SLC39A14: variants seen among roughly 807,000 people sequenced by gnomAD.
SLC39A14 encodes the protein solute carrier family 39 member 14.
SLC39A14 carries 19 observed loss-of-function variants against 45.5 expected under a neutral mutation model. That is an observed-to-expected ratio of 0.42 (90% CI 0.29 to 0.61). The LOEUF is 0.61. Ranked by LOEUF, SLC39A14 falls within the 20% of genes least tolerant of loss-of-function variation. The pLI, the probability that SLC39A14 is intolerant of heterozygous loss-of-function variation, is 0.22. For synonymous variants in SLC39A14, 264 were observed against 251.3 expected, an observed-to-expected ratio of 1.05 and a Z score of -0.48; for missense variants, 447 against 616.5, an observed-to-expected ratio of 0.73 and a Z score of 2.91.
chr8:22,399,468 G>C (rs1432266615), intron 1 of SLC39A14, among the ~76,000 whole-genome samples: 1 of 152,252 alleles, frequency 6.6e-6, no homozygotes, highest in East Asian at 1.9e-4. Flanking sequence ...CCTTGCGGGT[G>C]AGTGCATGTC....
chr8:22,419,893 C>T lies in SLC39A14; in HGVS notation c.*195C>T. On this transcript the variant is annotated 3_prime_UTR_variant, in exon 9 of 9. Coordinates refer to ENST00000381237, the MANE Select transcript of SLC39A14 (RefSeq NM_001128431.4). Reference sequence around the variant, plus strand: ...GGAATAAGCTGCCCTGGTAACCAGTCTCTAGCTAGTGCCTCTTGCCCTCTC... The same window carrying T: ...GGAATAAGCTGCCCTGGTAACCAGTTTCTAGCTAGTGCCTCTTGCCCTCTC... 7.7e-7 allele frequency: 1 copy of T among 1,299,330 alleles called. No homozygotes were observed. Among genetic ancestry groups the T allele is most frequent in the South Asian group, 2.6e-5 (1 of 38,970 alleles). 80.5% of individuals were successfully genotyped at this position (1,299,330 alleles called of 1,614,324 possible). A position where few individuals can be genotyped will look rare whatever the true frequency, so the allele number is the denominator to read the frequency against.
At chr8:22,423,404 C>T (rs980674586), downstream of SLC39A14, among the ~76,000 whole-genome samples, 29 of 151,444 alleles carry the variant, frequency 1.9e-4, no homozygotes, top group South Asian at 4.2e-4. Context: ...GGCACGATCT[C>T]GGCTCACTGC....
chr8:22,411,847 T>G, intron 3 of SLC39A14, 190 bp from the exon 4 acceptor site: 1 of 570,946 alleles, frequency 1.8e-6, no homozygotes, highest in Non-Finnish European at 3.1e-6. Context: ...ACAAATTTTC[T>G]ATTTCTCTCT....
chr8:22,428,656 T>C (rs1836424151), intron 8 of SLC39A14, among the ~76,000 whole-genome samples: 3 of 151,812 alleles, frequency 2.0e-5, no homozygotes, highest in Admixed American at 2.0e-4. Flanking sequence ...TTGGCCAGGC[T>C]GGTCTCGATC....
At chr8:22,376,199 G>A (rs1035069997) in intron 1 of SLC39A14, among the ~76,000 whole-genome samples, 1 of 151,984 alleles carries the variant, frequency 6.6e-6, no homozygotes, top group Non-Finnish European at 1.5e-5. Flanking sequence ...TTGAGACAGG[G>A]TCTCACTCAG....
intron 3 of SLC39A14, 66 bp from the exon 4 acceptor site, chr8:22,411,971 T>C: frequency 7.0e-7 from 1 of 1,425,620 alleles, no homozygotes; most frequent in South Asian, 1.3e-5. Flanking sequence ...TGGTGGTTGC[T>C]GTGCAATGGG....
At chr8:22,394,167 C>T (rs915279394) in intron 1 of SLC39A14, among the ~76,000 whole-genome samples, 3 of 151,946 alleles carry the variant, frequency 2.0e-5, no homozygotes, top group African/African-American at 7.2e-5. Context: ...CCACCACACC[C>T]AGCTAATTTT....
intron 1 of SLC39A14, among the ~76,000 whole-genome samples, chr8:22,403,150 C>G (rs1834983493): frequency 6.6e-6 from 1 of 151,694 alleles, no homozygotes; most frequent in Non-Finnish European, 1.5e-5. Flanking sequence ...CTAATTTTTT[C>G]TATTTTTAGT....
chr8:22,414,965 G>A, intron 5 of SLC39A14, 63 bp downstream of exon 5: 1 of 1,577,644 alleles, frequency 6.3e-7, no homozygotes, highest in Non-Finnish European at 8.6e-7. Context: ...AAACAATGTT[G>A]ATGTATTGTG....
chr8:22,367,856 T>A lies in SLC39A14; in HGVS notation c.-16+448T>A, dbSNP rs1013340246. The A allele has an allele frequency of 6.5e-6, 1 of 152,860 alleles. No homozygotes were observed. 9.5% of individuals were successfully genotyped at this position (152,860 alleles called of 1,614,324 possible). On this transcript the variant is annotated intron_variant, in intron 1 of 8. Transcript: ENST00000381237. The surrounding 1 kb of genome is among the most constrained non-coding windows in gnomAD (Gnocchi z 4.2). ...CGCCGGTCCATCTCCCCTCTGAAGG[T>A]ACATGTACCCAATCTTCCGGCTGAG...
At chr8:22,397,686 G>T (rs1269415274) in intron 1 of SLC39A14, among the ~76,000 whole-genome samples, 1 of 152,200 alleles carries the variant, frequency 6.6e-6, no homozygotes, top group Admixed American at 6.5e-5. Flanking sequence ...CTGGGCTCCA[G>T]ATGGCTCTTG....
At chr8:22,394,543 T>A (rs1336800346) in intron 1 of SLC39A14, among the ~76,000 whole-genome samples, 5 of 151,636 alleles carry the variant, frequency 3.3e-5, no homozygotes, top group Admixed American at 2.0e-4. Flanking sequence ...ATGGTCTTGA[T>A]CTCCTGACCT....
rs1165461449 is a variant in SLC39A14, at chr8:22,421,571, ATTG to A, written c.*1879_*1881del. ...TCTAACTTTTTATATTGTCATTATT[ATTG>A]TTGTTTTTAAACGGTTCTTTGTCTT... On this transcript the variant is annotated 3_prime_UTR_variant, in exon 9 of 9. Transcript: ENST00000381237. 5 of 985,336 alleles carry A rather than the reference ATTG, an allele frequency of 5.1e-6. No individual in the cohort carries two copies. The Admixed American group carries it at 1.8e-4, about 36-fold the overall frequency. 61.0% of individuals were successfully genotyped at this position (985,336 alleles called of 1,614,324 possible).
chr8:22,412,119 G>C lies in SLC39A14; in HGVS notation c.540G>C (p.Lys180Asn). The C allele has an allele frequency of 6.4e-7, 1 of 1,551,702 alleles. No individual in the cohort carries two copies. ...CCAGCGTGGTGCCCTTCATGAAGAA[G>C]ACCTTTTACAAGAGGCTGCTGCTCT... Reference protein sequence around the residue: ...LGASVVPFMKKTFYKRLLLYF... With the variant: ...LGASVVPFMKNTFYKRLLLYF... The change falls in exon 4 of 9, where the codon AAG (lysine) becomes AAC (asparagine). Residue 180 changes from lysine (K) to asparagine (N), a missense_variant. Lys to Asn is a moderately conservative substitution (Grantham distance 94). This residue lies in a region of SLC39A14 where 342 missense variants were observed against 428.1 expected (regional missense o/e 0.80). Coordinates refer to ENST00000381237, the MANE Select transcript of SLC39A14 (RefSeq NM_001128431.4).
At chr8:22,432,483 T>C (rs1836481821) in intron 8 of SLC39A14, among the ~76,000 whole-genome samples, 2 of 151,740 alleles carry the variant, frequency 1.3e-5, no homozygotes, top group Non-Finnish European at 1.5e-5. Context: ...TCTTTTTCTC[T>C]CTTTCTTTCT....
chr8:22,399,943 CT>C (rs1834758762), intron 1 of SLC39A14, among the ~76,000 whole-genome samples: 1 of 152,298 alleles, frequency 6.6e-6, no homozygotes, highest in African/African-American at 2.4e-5. Flanking sequence ...GTTGGTTTAT[CT>C]TGTTGAAGTA....
At chr8:22,423,342 T>G (rs80117875), downstream of SLC39A14, among the ~76,000 whole-genome samples, 13 of 69,020 alleles carry the variant, frequency 1.9e-4, 1 homozygote, top group East Asian at 2.1e-3. Context: ...GTTGTTTTGT[T>G]TTTTTTTTTT....
chr8:22,403,433 C>T lies in SLC39A14; in HGVS notation c.-15-1263C>T, dbSNP rs1375948787. 3.3e-5 allele frequency among the ~76,000 whole-genome samples: 5 copies of T among 151,634 alleles called. No individual in the cohort carries two copies. In the East Asian group the frequency reaches 9.9e-4, roughly 30 times the overall value. On this transcript the variant is annotated intron_variant, in intron 1 of 8. Coordinates refer to ENST00000381237, the MANE Select transcript of SLC39A14 (RefSeq NM_001128431.4). ...TAGCTGGGATTACAGACGTGCACCA[C>T]CATGCCTGGCTAATTTTTTGTATTT...
At chr8:22,429,705 A>C (rs1836439418) in intron 8 of SLC39A14, among the ~76,000 whole-genome samples, 1 of 152,264 alleles carries the variant, frequency 6.6e-6, no homozygotes, top group South Asian at 2.1e-4. Flanking sequence ...GCTGCAGACA[A>C]GAGTAAGATG....
Sources: gnomAD v4.1 joint callset for allele counts (sites outside exome capture counted in the v4.1 genomes callset) on GRCh38, gnomAD v4.1.1 for gene constraint, gnomAD v4.1.1 regional missense constraint, Gnocchi (gnomAD v3.1) non-coding constraint, MANE v1.5 for transcripts, NCBI Gene and HGNC (gene_info 2026-07-23, HGNC 2026-07-21) for gene names.